EPHA6: variants seen among roughly 807,000 people sequenced by gnomAD.
The protein encoded by EPHA6 is ephrin type-A receptor 6.
Under a neutral mutation model 112.0 loss-of-function variants are expected in EPHA6, and 50 were observed. That is an observed-to-expected ratio of 0.45 (90% CI 0.36 to 0.56). The LOEUF is 0.56. Ranked by LOEUF, EPHA6 falls within the 20% of genes least tolerant of loss-of-function variation. The pLI, the probability that EPHA6 is intolerant of heterozygous loss-of-function variation, is 0.00. For missense variants in EPHA6, 1,280 were observed against 1,417.4 expected (o/e 0.90, Z 1.56); for synonymous variants, 529 against 490.7 (o/e 1.08, Z -1.03).
chr3:96,906,791 G>T (rs2038957103), intron 2 of EPHA6, among the ~76,000 whole-genome samples: 1 of 151,880 alleles, frequency 6.6e-6, no homozygotes, highest in Admixed American at 6.6e-5. Context: ...CTAGAATTTG[G>T]GAAGGCAGTA....
At chr3:97,362,700 A>G (rs1052091953) in intron 5 of EPHA6, among the ~76,000 whole-genome samples, 4 of 151,982 alleles carry the variant, frequency 2.6e-5, no homozygotes, top group Admixed American at 2.6e-4. Context: ...GGTTAATTGA[A>G]TCCATAGTTG....
intron 3 of EPHA6, among the ~76,000 whole-genome samples, chr3:97,050,581 A>C (rs2108083472): frequency 6.6e-6 from 1 of 152,322 alleles, no homozygotes; most frequent in South Asian, 2.1e-4. Context: ...GCTGCCTATC[A>C]GAAATAATTT....
chr3:97,497,011 A>G (rs1418456513), intron 10 of EPHA6, among the ~76,000 whole-genome samples: 1 of 152,112 alleles, frequency 6.6e-6, no homozygotes, highest in Non-Finnish European at 1.5e-5. Context: ...ACCTCGTTTT[A>G]CCACTTTGCA....
intron 5 of EPHA6, among the ~76,000 whole-genome samples, chr3:97,319,013 A>G (rs1215126736): frequency 6.6e-6 from 1 of 151,970 alleles, no homozygotes; most frequent in Non-Finnish European, 1.5e-5. Context: ...ATGATTTCAA[A>G]CTTGACAAAA....
At chr3:97,124,468 A>AG (rs1341285027) in intron 3 of EPHA6, among the ~76,000 whole-genome samples, 53 of 137,808 alleles carry the variant, frequency 3.8e-4, no homozygotes, top group Admixed American at 2.2e-3. Context: ...TTCTGTTTAA[A>AG]AAAAGAAAGA....
At chr3:97,555,847 G>A (rs2093100443) in intron 11 of EPHA6, among the ~76,000 whole-genome samples, 1 of 151,944 alleles carries the variant, frequency 6.6e-6, no homozygotes, top group South Asian at 2.1e-4. Flanking sequence ...AGACGAGTAG[G>A]TTGCGAAAAT....
rs547477820 is a variant in EPHA6, at chr3:96,946,534, A to G, written c.451-40796A>G. Among the ~76,000 whole-genome samples, 12 of 152,268 alleles carry G rather than the reference A, an allele frequency of 7.9e-5. No homozygotes were observed. The East Asian group carries it at 1.4e-3, about 17-fold the overall frequency. On this transcript the variant is annotated intron_variant, in intron 2 of 17. Transcript: ENST00000389672. ...CTTTTTTATGGCTGCATAGTATTCC[A>G]TGGTGTATATGTGCCACATTTTCTT...
intron 3 of EPHA6, among the ~76,000 whole-genome samples, chr3:97,169,918 C>A (rs2076645861): frequency 6.6e-6 from 1 of 152,166 alleles, no homozygotes; most frequent in South Asian, 2.1e-4. Flanking sequence ...GAACAATGAG[C>A]ATGCATGGAC....
At chr3:97,319,924 CAGTT>C (rs1169594552) in intron 5 of EPHA6, among the ~76,000 whole-genome samples, 3 of 151,944 alleles carry the variant, frequency 2.0e-5, no homozygotes, top group African/African-American at 2.4e-5. Context: ...TTCAGACAAG[CAGTT>C]AGTTATCTGA....
chr3:97,113,198 A>G (rs1489037920), intron 3 of EPHA6, among the ~76,000 whole-genome samples: 1 of 152,022 alleles, frequency 6.6e-6, no homozygotes, highest in Non-Finnish European at 1.5e-5. Context: ...CATTGTCTTC[A>G]CTGTGATTTA....
At chr3:96,944,676 A>G (rs554891799) in intron 2 of EPHA6, among the ~76,000 whole-genome samples, 2 of 152,304 alleles carry the variant, frequency 1.3e-5, no homozygotes, top group African/African-American at 4.8e-5. Flanking sequence ...AAATAACTCG[A>G]TATTACCTAT....
At chr3:97,218,096 AC>A (rs1399485745) in intron 3 of EPHA6, among the ~76,000 whole-genome samples, 1 of 151,890 alleles carries the variant, frequency 6.6e-6, no homozygotes, top group African/African-American at 2.4e-5. Flanking sequence ...ATATGGCAAA[AC>A]CCCCTCTCTA....
intron 13 of EPHA6, among the ~76,000 whole-genome samples, chr3:97,623,672 T>C (rs998822154): frequency 6.6e-6 from 1 of 151,648 alleles, no homozygotes; most frequent in Admixed American, 6.6e-5. Context: ...TCTTTTACAA[T>C]AGCATTAATC....
chr3:97,731,802 C>A (rs1576369260), intron 15 of EPHA6, among the ~76,000 whole-genome samples: 1 of 152,038 alleles, frequency 6.6e-6, no homozygotes, highest in East Asian at 1.9e-4. Context: ...AAATTGAACT[C>A]ATCATCACTC....
intron 5 of EPHA6, among the ~76,000 whole-genome samples, chr3:97,351,185 T>C (rs1187000482): frequency 6.6e-6 from 1 of 152,194 alleles, no homozygotes; most frequent in East Asian, 1.9e-4. Context: ...AAGATATTAG[T>C]TGATACAGTG....
intron 3 of EPHA6, among the ~76,000 whole-genome samples, chr3:97,205,326 T>G (rs2077687848): frequency 6.6e-6 from 1 of 152,020 alleles, no homozygotes. Context: ...CTTAAACATG[T>G]TTGTTGAATT....
chr3:97,586,841 C>A (rs565351380), intron 11 of EPHA6, among the ~76,000 whole-genome samples: 1 of 152,178 alleles, frequency 6.6e-6, no homozygotes, highest in South Asian at 2.1e-4. Context: ...TTTATCTTTG[C>A]GCTTTGAAGT....
intron 14 of EPHA6, among the ~76,000 whole-genome samples, chr3:97,644,941 G>T (rs1341547827): frequency 6.6e-6 from 1 of 151,876 alleles, no homozygotes; most frequent in Non-Finnish European, 1.5e-5. Flanking sequence ...ATTTTATGAG[G>T]CCAGCATCAT....
intron 2 of EPHA6, among the ~76,000 whole-genome samples, chr3:96,919,588 C>T (rs1170903707): frequency 4.6e-5 from 7 of 151,612 alleles, no homozygotes; most frequent in Non-Finnish European, 1.0e-4. Flanking sequence ...TTTTTTAAGT[C>T]TATTGAGGCA....
Sources: allele counts gnomAD v4.1 joint callset (sites outside exome capture counted in the v4.1 genomes callset), GRCh38; gene constraint gnomAD v4.1.1; transcripts MANE v1.5; gene names NCBI Gene and HGNC (gene_info 2026-07-23, HGNC 2026-07-21).